Variants in ZNF613 observed in about 807,000 individuals in gnomAD.
ZNF613 encodes the protein zinc finger protein 613.
Under a neutral mutation model 14.3 loss-of-function variants are expected in ZNF613, and 8 were observed. That is an observed-to-expected ratio of 0.56 (90% confidence interval 0.33 to 1.01). ZNF613 has a LOEUF of 1.01. Ranked by LOEUF, ZNF613 falls within the 50% of genes least tolerant of loss-of-function variation. ZNF613 has a pLI of 0.03. For synonymous variants in ZNF613, 228 were observed against 254.5 expected, an observed-to-expected ratio of 0.90 and a Z score of 0.99; for missense variants, 656 against 741.9, an observed-to-expected ratio of 0.88 and a Z score of 1.35.
At chr19:51,936,966 A>G (rs2085309703) in intron 3 of ZNF613, among the ~76,000 whole-genome samples, 3 of 152,148 alleles carry the variant, frequency 2.0e-5, no homozygotes, top group Admixed American at 6.5e-5. Flanking sequence ...GATTTATTCA[A>G]CCATGCCTGT....
At position 51,945,824 on chromosome 19, in the gene ZNF613, A is replaced by G. The variant is rs772606094; in HGVS notation, c.*87A>G. The G allele has an allele frequency of 1.5e-4, 221 of 1,462,476 alleles. No homozygotes were observed. The highest frequency in any genetic ancestry group is 1.9e-4 in the Non-Finnish European group (207 of 1,063,282). The allele number at this position is 1,462,476 out of a possible 1,614,324, so 90.6% of individuals were successfully genotyped here. On this transcript the variant is annotated 3_prime_UTR_variant, in exon 6 of 6. Coordinates refer to ENST00000293471, the MANE Select transcript of ZNF613 (RefSeq NM_001031721.4). ...AAAAAACACAGAGGAACAAACTGAT[A>G]TATTCAAGGTGGAAAGCCCTTGAAT...
rs958780338 is a variant in ZNF613 at position 51,946,284 on chromosome 19, G to A, written c.*547G>A. The A allele has an allele frequency of 1.3e-5, 2 of 155,642 alleles. No individual in the cohort carries two copies. The highest frequency in any genetic ancestry group is 4.8e-5 in the African/African-American group (2 of 41,442). The allele number at this position is 155,642 out of a possible 1,614,324, so 9.6% of individuals were successfully genotyped here. ...ATCATTATATGGCAGATAATATACA[G>A]GATGTGTATTTTAGGACAATATACC... On this transcript the variant is annotated 3_prime_UTR_variant, in exon 6 of 6. Coordinates refer to ENST00000293471, the MANE Select transcript of ZNF613 (RefSeq NM_001031721.4).
Position 51,937,725 on chromosome 19 carries a change from CTTTT to C in ZNF613, c.15+1509_15+1512del, listed in dbSNP as rs557250619. 9.8e-4 allele frequency among the ~76,000 whole-genome samples: 103 copies of C among 105,228 alleles called. 1 individual carries two copies. The South Asian group carries it at 0.01, about 11-fold the overall frequency. The allele number at this position is 105,228 out of a possible 152,430, so 69.0% of individuals were successfully genotyped here. On this transcript the variant is annotated intron_variant, in intron 3 of 5. Transcript: ENST00000293471. ...TGGTGTGACAGATGATGTCTTTTTTCTTTTTTTTTTTTTTTTTTTTTTGAGATAG... is the reference window on the plus strand; with the variant it reads ...TGGTGTGACAGATGATGTCTTTTTTCTTTTTTTTTTTTTTTTTTGAGATAG...
intron 1 of ZNF613, among the ~76,000 whole-genome samples, chr19:51,928,776 C>A (rs1193382469): frequency 1.3e-5 from 2 of 150,838 alleles, no homozygotes; most frequent in Non-Finnish European, 2.9e-5. Context: ...GATCACGTGA[C>A]CCCGGGAGTT....
chr19:51,944,012 T>G, intron 5 of ZNF613, 107 bp from the exon 6 acceptor site: 1 of 838,322 alleles, frequency 1.2e-6, no homozygotes, highest in East Asian at 3.1e-5. Flanking sequence ...TGGAGTTTTT[T>G]AAACAGTGGA....
chr19:51,941,562 T>C (rs2085350794), intron 5 of ZNF613, among the ~76,000 whole-genome samples: 1 of 152,170 alleles, frequency 6.6e-6, no homozygotes, highest in Non-Finnish European at 1.5e-5. Flanking sequence ...AGCTTCTCTT[T>C]TTTCTCCCAC....
Position 51,940,664 on chromosome 19 carries a change from G to A in ZNF613, c.190G>A (p.Glu64Lys). The A allele has an allele frequency of 1.2e-6, 2 of 1,613,620 alleles. No individual in the cohort carries two copies. Among genetic ancestry groups the A allele is most frequent in the Non-Finnish European group, 1.7e-6 (2 of 1,179,732 alleles). Residue 64 changes from glutamate (E) to lysine (K), a missense_variant, in exon 5 of 6, where the codon GAG (glutamate) becomes AAG (lysine). By Grantham distance (56) the Glu-to-Lys change is moderately conservative (BLOSUM62 1). Coordinates refer to ENST00000293471, the MANE Select transcript of ZNF613 (RefSeq NM_001031721.4). ...TGCACTCTTCAAGTTGGAACAAGGA[G>A]AGCCATGGACAGTAGAAAATGAAAT... ...PDALFKLEQG[E>K]PWTVENEIHS...
chr19:51,945,103 A>G lies in ZNF613; in HGVS notation c.1220A>G (p.Lys407Arg), dbSNP rs1489481036. The G allele has an allele frequency of 6.2e-7, 1 of 1,614,194 alleles. No individual in the cohort carries two copies. Among genetic ancestry groups the G allele is most frequent in the Non-Finnish European group, 8.5e-7 (1 of 1,180,030 alleles). ...EKPYICNECG[K>R]GFIQKGNLLI... The stretch of plus-strand genomic sequence containing the variant: ...CCCTATATATGCAATGAATGTGGAA[A>G]AGGCTTCATCCAAAAGGGCAACCTC... The change falls in exon 6 of 6, where the codon AAA (lysine) becomes AGA (arginine). Residue 407 changes from lysine (K) to arginine (R), a missense_variant. Coordinates refer to ENST00000293471, the MANE Select transcript of ZNF613 (RefSeq NM_001031721.4).
chr19:51,931,101 A>G (rs1276382431), intron 2 of ZNF613, among the ~76,000 whole-genome samples: 2 of 152,224 alleles, frequency 1.3e-5, no homozygotes, highest in African/African-American at 4.8e-5. Flanking sequence ...TATTTTTAAT[A>G]GCTAGATAGC....
In ZNF613 at chr19:51,944,751, T is replaced by C. The variant is rs1219371175; in HGVS notation, c.868T>C (p.Cys290Arg). The C allele has an allele frequency of 6.2e-7, 1 of 1,613,062 alleles. No homozygotes were observed. Among genetic ancestry groups the C allele is most frequent in the South Asian group, 1.1e-5 (1 of 91,052 alleles). Reference sequence around the variant, plus strand: ...TCATACAGGAGAGAAGTCATATATATGCAGTGATTGTGGAAAAGGCTTCAT... The same window carrying C: ...TCATACAGGAGAGAAGTCATATATACGCAGTGATTGTGGAAAAGGCTTCAT... Reference protein sequence around the residue: ...KIHTGEKSYICSDCGKGFIKK... With the variant: ...KIHTGEKSYIRSDCGKGFIKK... Residue 290 changes from cysteine to arginine, a missense_variant, in exon 6 of 6, where the codon TGC (cysteine) becomes CGC (arginine). Transcript: ENST00000293471.
Position 51,945,496 on chromosome 19 carries a change from A to C in ZNF613, c.1613A>C (p.Glu538Ala). 6.2e-7 allele frequency: 1 copy of C among 1,614,188 alleles called. No individual in the cohort carries two copies. Among genetic ancestry groups the C allele is most frequent in the Admixed American group, 1.7e-5 (1 of 60,022 alleles). ...VYHKGMLHAR[E>A]KCVGSVKLEN... is the part of the protein sequence containing the mutation. ...CATAAGGGAATGCTGCATGCAAGAG[A>C]GAAATGTGTAGGTTCAGTCAAATTG... Residue 538 changes from glutamate to alanine, a missense_variant, in exon 6 of 6, where the codon GAG becomes GCG. By Grantham distance (107) the Glu-to-Ala change is moderately radical. Transcript: ENST00000293471.
rs139591232 is a variant in ZNF613 at position 51,932,729 on chromosome 19, G to A, written c.-194+2833G>A. ...CTCACTCTATTGCCCAGGCTGGAGCGCATTGGCACACTCTTGGCTCACTGC... is the reference window on the plus strand; with the variant it reads ...CTCACTCTATTGCCCAGGCTGGAGCACATTGGCACACTCTTGGCTCACTGC... On this transcript the variant is annotated intron_variant, in intron 2 of 5. Transcript: ENST00000293471. 6.9e-3 allele frequency among the ~76,000 whole-genome samples: 1,048 copies of A among 151,354 alleles called. 40 individuals carry two copies. In the South Asian group the frequency reaches 0.13, roughly 19 times the overall value.
chr19:51,940,004 A>C (rs1411575361), intron 3 of ZNF613, among the ~76,000 whole-genome samples: 1 of 152,168 alleles, frequency 6.6e-6, no homozygotes, highest in Admixed American at 6.5e-5. Flanking sequence ...CAATTACAGA[A>C]TATTTTGCTA....
In ZNF613 at chr19:51,945,264, T is replaced by C; in HGVS notation, c.1381T>C (p.Cys461Arg). 6.2e-7 allele frequency: 1 copy of C among 1,614,052 alleles called. No homozygotes were observed. Among genetic ancestry groups the C allele is most frequent in the South Asian group, 1.1e-5 (1 of 91,076 alleles). Residue 461 changes from cysteine (C) to arginine (R), a missense_variant, in exon 6 of 6, where the codon TGT becomes CGT. Cys to Arg is a radical substitution (Grantham distance 180). Transcript: ENST00000293471. ...TGKTPFVCTE[C>R]GKSCSHKSGL... is the part of the protein sequence containing the mutation. ...AAAGACACCCTTTGTATGTACTGAG[T>C]GTGGAAAATCCTGCTCACACAAGTC...
rs2085380898 is a variant in ZNF613, at chr19:51,944,765, A to G, written c.882A>G (p.Gly294=). Reference sequence around the variant, plus strand: ...AGTCATATATATGCAGTGATTGTGGAAAAGGCTTCATCAAGAAGTCTCGGC... The same window carrying G: ...AGTCATATATATGCAGTGATTGTGGGAAAGGCTTCATCAAGAAGTCTCGGC... The part of the protein sequence containing the change: ...GEKSYICSDC[G]KGFIKKSRLI... The change falls in exon 6 of 6, where the codon GGA becomes GGG. Residue 294 remains glycine (G), a synonymous_variant. Transcript: ENST00000293471. 6.2e-7 allele frequency: 1 copy of G among 1,613,602 alleles called. No homozygotes were observed. Among genetic ancestry groups the G allele is most frequent in the Non-Finnish European group, 8.5e-7 (1 of 1,179,976 alleles).
rs1260658107 is a variant in ZNF613, at chr19:51,944,675, A to G, written c.792A>G (p.Glu264=). 6.2e-7 allele frequency: 1 copy of G among 1,613,938 alleles called. No individual in the cohort carries two copies. The highest frequency in any genetic ancestry group is 8.5e-7 in the Non-Finnish European group (1 of 1,180,000). ...HTGEKPYECT[E]CDKAFRWKSQ... is the part of the protein sequence containing the mutation. ...GAGAGAAACCCTATGAATGCACTGA[A>G]TGTGACAAAGCATTCCGCTGGAAAT... Residue 264 remains glutamate, a synonymous_variant, in exon 6 of 6, where the codon GAA becomes GAG. Transcript: ENST00000293471.
At chr19:51,939,149 T>C (rs1388633790) in intron 3 of ZNF613, among the ~76,000 whole-genome samples, 3 of 152,006 alleles carry the variant, frequency 2.0e-5, no homozygotes, top group Non-Finnish European at 4.4e-5. Context: ...TCTGTCCTTT[T>C]GTTGCATTTT....
At chr19:51,941,257 T>C (rs756756411) in intron 5 of ZNF613, among the ~76,000 whole-genome samples, 1 of 152,196 alleles carries the variant, frequency 6.6e-6, no homozygotes, top group Non-Finnish European at 1.5e-5. Context: ...TAATCTAGGT[T>C]TGATTTGTTT....
chr19:51,936,214 A>G lies in ZNF613; in HGVS notation c.-7A>G, dbSNP rs2085304074. On this transcript the variant is annotated 5_prime_UTR_variant, in exon 3 of 6. Transcript: ENST00000293471. The stretch of plus-strand genomic sequence containing the variant: ...ACTTACTGGCTATTTCCCAGTAACA[A>G]AAGAAAATGATCAAGTCCCAGGTGA... 3 of 1,603,886 alleles carry G rather than the reference A, an allele frequency of 1.9e-6. No individual in the cohort carries two copies. Among genetic ancestry groups the G allele is most frequent in the South Asian group, 1.1e-5 (1 of 88,902 alleles).
Sources: gnomAD v4.1 joint callset for allele counts (sites outside exome capture counted in the v4.1 genomes callset) on GRCh38, gnomAD v4.1.1 for gene constraint, MANE v1.5 for transcripts, NCBI Gene and HGNC (gene_info 2026-07-23, HGNC 2026-07-21) for gene names.